The following ARHGEF9 variants were observed in gnomAD, a reference collection of about 807,000 sequenced individuals.
ARHGEF9 encodes Cdc42 guanine nucleotide exchange factor 9.
Under a neutral mutation model 41.3 loss-of-function variants are expected in ARHGEF9, and 2 were observed. That is an observed-to-expected ratio of 0.05 (90% CI 0.02 to 0.15). The LOEUF (loss-of-function observed/expected upper bound fraction) is 0.15. ARHGEF9 is among the 10% of genes least tolerant of loss of function. ARHGEF9 has a pLI of 1.00. For synonymous variants in ARHGEF9, 160 were observed against 154.4 expected, an observed-to-expected ratio of 1.04 and a Z score of -0.27; for missense variants, 225 against 424.7, an observed-to-expected ratio of 0.53 and a Z score of 4.13.
Position 63,776,376 on chromosome X carries a change from G to C in ARHGEF9, c.30+8740C>G, listed in dbSNP as rs782750214. Among the ~76,000 whole-genome samples the C allele has an allele frequency of 6.3e-5, 7 of 111,873 alleles. No homozygotes were observed. The South Asian group carries it at 1.1e-3, about 18-fold the overall frequency. ...ACTCTGCTTTTGTATCACAAAGGCAGCGATACACAATAAGCAAATGAGTGG... is the reference window on the plus strand; with the variant it reads ...ACTCTGCTTTTGTATCACAAAGGCACCGATACACAATAAGCAAATGAGTGG... On this transcript the variant is annotated intron_variant, in intron 1 of 9. Coordinates refer to ENST00000671741, the MANE Select transcript of ARHGEF9 (RefSeq NM_001353921.2).
chrX:63,696,132 C>T (rs1214884422), intron 4 of ARHGEF9, among the ~76,000 whole-genome samples: 1 of 111,541 alleles, frequency 9.0e-6, no homozygotes, highest in Non-Finnish European at 1.9e-5. Flanking sequence ...TATTCTGAGT[C>T]CAAATCACTA....
chrX:63,644,146 C>T, intron 8 of ARHGEF9, 98 bp from the exon 9 acceptor site: 1 of 500,257 alleles, frequency 2.0e-6, no homozygotes, highest in Non-Finnish European at 3.0e-6. Flanking sequence ...TTTGCTAAGA[C>T]ATATAAAAAA....
At chrX:63,654,274 T>C (rs1390768703) in intron 8 of ARHGEF9, among the ~76,000 whole-genome samples, 1 of 111,807 alleles carries the variant, frequency 8.9e-6, no homozygotes, top group Non-Finnish European at 1.9e-5. Context: ...GGGCATTGTG[T>C]GGGAGACATT....
chrX:63,760,945 A>C (rs1279411817), intron 1 of ARHGEF9, among the ~76,000 whole-genome samples: 4 of 111,945 alleles, frequency 3.6e-5, no homozygotes, highest in Non-Finnish European at 7.5e-5. Context: ...CTTCCAAAGC[A>C]GTTTGTAAGT....
At chrX:63,740,407 A>G (rs1403046483) in intron 1 of ARHGEF9, among the ~76,000 whole-genome samples, 3 of 112,126 alleles carry the variant, frequency 2.7e-5, no homozygotes, top group Non-Finnish European at 3.8e-5. Context: ...CAGCTTAGGG[A>G]CAATGATGAT....
intron 2 of ARHGEF9, among the ~76,000 whole-genome samples, chrX:63,716,561 A>T (rs2053315922): frequency 9.0e-6 from 1 of 111,402 alleles, no homozygotes; most frequent in Non-Finnish European, 1.9e-5. Context: ...GGGTGAATGA[A>T]TTTTTATTAA....
At chrX:63,691,688 C>A (rs2051358731) in intron 4 of ARHGEF9, among the ~76,000 whole-genome samples, 1 of 110,996 alleles carries the variant, frequency 9.0e-6, no homozygotes, top group Admixed American at 9.6e-5. Flanking sequence ...ACATTCACCA[C>A]AGAAATGGGA....
At chrX:63,638,773 G>C in intron 9 of ARHGEF9, 1 of 294,255 alleles carries the variant, frequency 3.4e-6, no homozygotes, top group East Asian at 4.8e-5. Flanking sequence ...GTCCTGGGTT[G>C]AGAGTGATGA....
intron 1 of ARHGEF9, among the ~76,000 whole-genome samples, chrX:63,778,430 C>G (rs1485008880): frequency 8.9e-6 from 1 of 112,276 alleles, no homozygotes; most frequent in Non-Finnish European, 1.9e-5. Context: ...GGGAAGACCT[C>G]TGACATGCCC....
intron 1 of ARHGEF9, among the ~76,000 whole-genome samples, chrX:63,744,537 G>C (rs1412508176): frequency 1.8e-5 from 2 of 112,321 alleles, no homozygotes; most frequent in Non-Finnish European, 3.8e-5. Flanking sequence ...CTGAAGCCCA[G>C]AAGGCCAGGC....
At chrX:63,683,318 A>G (rs1353786413) in intron 4 of ARHGEF9, among the ~76,000 whole-genome samples, 1 of 111,740 alleles carries the variant, frequency 8.9e-6, no homozygotes, top group Non-Finnish European at 1.9e-5. Context: ...TGCACAGAAA[A>G]CCAAAACACC....
At chrX:63,759,215 G>A (rs1556448593) in intron 1 of ARHGEF9, among the ~76,000 whole-genome samples, 1 of 111,418 alleles carries the variant, frequency 9.0e-6, no homozygotes, top group East Asian at 2.8e-4. Flanking sequence ...TACCAGCCCT[G>A]TCCATGTGTG....
intron 4 of ARHGEF9, among the ~76,000 whole-genome samples, chrX:63,680,788 G>A (rs1446692659): frequency 2.7e-5 from 3 of 111,672 alleles, no homozygotes; most frequent in African/African-American, 9.8e-5. Flanking sequence ...ATCAGCAGAC[G>A]CCCTGCAGCT....
intron 1 of ARHGEF9, among the ~76,000 whole-genome samples, chrX:63,782,062 A>AT (rs1292312290): frequency 9.0e-6 from 1 of 110,808 alleles, no homozygotes; most frequent in African/African-American, 3.3e-5. Context: ...AACAGGTTTT[A>AT]TTTTTTTTCC....
At chrX:63,755,363 T>A (rs1373743767) in intron 1 of ARHGEF9, 8 of 517,943 alleles carry the variant, frequency 1.5e-5, no homozygotes, top group African/African-American at 2.5e-5. Context: ...CCAGTTCTGG[T>A]TTGGGGGTGG....
chrX:63,695,083 T>C, intron 4 of ARHGEF9, among the ~76,000 whole-genome samples: 2 of 112,078 alleles, frequency 1.8e-5, no homozygotes, highest in East Asian at 5.6e-4. Context: ...TTTCAAAACA[T>C]AAGTGATTCT....
intron 4 of ARHGEF9, among the ~76,000 whole-genome samples, chrX:63,690,692 T>C (rs2051286013): frequency 9.0e-6 from 1 of 111,300 alleles, no homozygotes; most frequent in South Asian, 3.7e-4. Flanking sequence ...AAAAGAAAAC[T>C]ACAGGCCAAT....
intron 1 of ARHGEF9, among the ~76,000 whole-genome samples, chrX:63,771,131 C>T (rs1556454579): frequency 8.9e-6 from 1 of 111,886 alleles, no homozygotes; most frequent in African/African-American, 3.2e-5. Context: ...ATTAGTCACA[C>T]TGAGCATTTT....
intron 1 of ARHGEF9, among the ~76,000 whole-genome samples, chrX:63,761,610 C>A (rs1175848085): frequency 9.0e-6 from 1 of 111,451 alleles, no homozygotes; most frequent in Non-Finnish European, 1.9e-5. Flanking sequence ...TTAGTAAGTA[C>A]TCCTCCAAAA....
Sources: allele counts gnomAD v4.1 joint callset (sites outside exome capture counted in the v4.1 genomes callset), GRCh38; gene constraint gnomAD v4.1.1; transcripts MANE v1.5; gene names NCBI Gene and HGNC (gene_info 2026-07-23, HGNC 2026-07-21).